ST8SIA2: variants seen among roughly 807,000 people sequenced by gnomAD.
The protein encoded by ST8SIA2 is ST8 alpha-N-acetyl-neuraminide alpha-2,8-sialyltransferase 2, also known as alpha-2,8-sialyltransferase 8B.
ST8SIA2 carries 22 observed loss-of-function variants against 37.6 expected under a neutral mutation model. That is an observed-to-expected ratio of 0.58 (90% CI 0.42 to 0.83). ST8SIA2 has a LOEUF of 0.83. Among genes scored for constraint, ST8SIA2 ranks in the 40% least tolerant of loss-of-function variants. ST8SIA2 has a pLI of 0.00. For synonymous variants in ST8SIA2, 205 were observed against 201.2 expected, an observed-to-expected ratio of 1.02 and a Z score of -0.16; for missense variants, 382 against 484.7, an observed-to-expected ratio of 0.79 and a Z score of 1.99.
At chr15:92,458,955 G>A (rs754927284) in intron 5 of ST8SIA2, among the ~76,000 whole-genome samples, 11 of 152,194 alleles carry the variant, frequency 7.2e-5, no homozygotes, top group Non-Finnish European at 1.6e-4. Flanking sequence ...AGGAAGACAG[G>A]ATGCACGTGC....
At chr15:92,408,967 A>G (rs1330450333) in intron 1 of ST8SIA2, among the ~76,000 whole-genome samples, 2 of 152,098 alleles carry the variant, frequency 1.3e-5, no homozygotes, top group Admixed American at 6.6e-5. Flanking sequence ...GCCTCCCAAA[A>G]TGCTGGGATT....
intron 1 of ST8SIA2, among the ~76,000 whole-genome samples, chr15:92,426,964 G>A (rs936415796): frequency 6.6e-6 from 1 of 152,076 alleles, no homozygotes; most frequent in Non-Finnish European, 1.5e-5. Flanking sequence ...CGTGATGGCA[G>A]GCGCCTGTAA....
rs924306542 is a variant in ST8SIA2, at chr15:92,468,055, A to G, written c.*3670A>G. 5 of 152,176 alleles carry G rather than the reference A, an allele frequency of 3.3e-5. No homozygotes were observed. The highest frequency in any genetic ancestry group is 2.6e-4 in the Admixed American group (4 of 15,278). 9.4% of individuals were successfully genotyped at this position (152,176 alleles called of 1,614,324 possible). A position where few individuals can be genotyped will look rare whatever the true frequency, so the allele number is the denominator to read the frequency against. On this transcript the variant is annotated 3_prime_UTR_variant, in exon 6 of 6. Transcript: ENST00000268164. ...TGAGATGCTGACGTTATCTTCGACTATTCTTCCCTGTCCTGCCTTGCTAAT... is the reference window on the plus strand; with the variant it reads ...TGAGATGCTGACGTTATCTTCGACTGTTCTTCCCTGTCCTGCCTTGCTAAT...
chr15:92,435,324 A>G (rs1445153661), intron 3 of ST8SIA2, among the ~76,000 whole-genome samples: 1 of 152,216 alleles, frequency 6.6e-6, no homozygotes, highest in African/African-American at 2.4e-5. Context: ...GGCCAGGAGC[A>G]GTGGGTTTTG....
At chr15:92,447,953 T>C (rs1313298785) in intron 5 of ST8SIA2, among the ~76,000 whole-genome samples, 6 of 152,158 alleles carry the variant, frequency 3.9e-5, no homozygotes, top group African/African-American at 1.4e-4. Flanking sequence ...CTTGAGATGG[T>C]TCTGGAGTCC....
rs148238786 is a variant in ST8SIA2 at position 92,407,936 on chromosome 15, T to C, written c.98+13774T>C. Among the ~76,000 whole-genome samples, 15 of 152,254 alleles carry C rather than the reference T, an allele frequency of 9.9e-5. No individual in the cohort carries two copies. The East Asian group carries it at 2.7e-3, about 27-fold the overall frequency. On this transcript the variant is annotated intron_variant, in intron 1 of 5. Coordinates refer to ENST00000268164, the MANE Select transcript of ST8SIA2 (RefSeq NM_006011.4). ...AATAAAGTCTAGTTAGCAAAACGCATGAAGGTAGACCCGGAAAATGTTTGA... is the reference window on the plus strand; with the variant it reads ...AATAAAGTCTAGTTAGCAAAACGCACGAAGGTAGACCCGGAAAATGTTTGA...
Position 92,467,753 on chromosome 15 carries a change from G to A in ST8SIA2, c.*3368G>A, listed in dbSNP as rs1392285159. On this transcript the variant is annotated 3_prime_UTR_variant, in exon 6 of 6. Transcript: ENST00000268164. ...ATGCCTTACACTGGCGTCCTCTCCT[G>A]AGTCCCTCCGCACTCTCCATCAGCA... is the stretch of plus-strand genomic sequence containing the variant. 2 of 152,476 alleles carry A rather than the reference G, an allele frequency of 1.3e-5. No individual in the cohort carries two copies. The highest frequency in any genetic ancestry group is 2.9e-5 in the Non-Finnish European group (2 of 68,172). The allele number at this position is 152,476 out of a possible 1,614,324, so 9.4% of individuals were successfully genotyped here.
intron 1 of ST8SIA2, among the ~76,000 whole-genome samples, chr15:92,429,105 T>C (rs2049696589): frequency 6.6e-6 from 1 of 152,212 alleles, no homozygotes; most frequent in African/African-American, 2.4e-5. Flanking sequence ...CCAGTGATTT[T>C]CATTATTTAT....
At chr15:92,449,354 G>A (rs115425284) in intron 5 of ST8SIA2, among the ~76,000 whole-genome samples, 2,279 of 152,264 alleles carry the variant, frequency 0.015, 47 homozygotes, top group African/African-American at 0.051. Context: ...TACACCATGC[G>A]TCCATGATGT....
At chr15:92,445,179 A>T (rs763480591) in intron 5 of ST8SIA2, 1 of 587,008 alleles carries the variant, frequency 1.7e-6, no homozygotes, top group Non-Finnish European at 3.0e-6. Flanking sequence ...GTTGAGAATG[A>T]TCTTGGGGGT....
chr15:92,450,336 T>C (rs1020423771), intron 5 of ST8SIA2, among the ~76,000 whole-genome samples: 1 of 152,182 alleles, frequency 6.6e-6, no homozygotes, highest in Admixed American at 6.5e-5. Flanking sequence ...GGCCAATAAG[T>C]ACGTGGCAAG....
At chr15:92,398,376 A>G (rs1284665120) in intron 1 of ST8SIA2, among the ~76,000 whole-genome samples, 3 of 152,242 alleles carry the variant, frequency 2.0e-5, no homozygotes, top group Non-Finnish European at 4.4e-5. Context: ...CTCTACCCAT[A>G]AAGGAATTAC....
chr15:92,414,592 G>A (rs1425735866), intron 1 of ST8SIA2, among the ~76,000 whole-genome samples: 1 of 152,258 alleles, frequency 6.6e-6, no homozygotes. Context: ...CGAACTCATA[G>A]GGTTGGGACA....
At chr15:92,440,227 C>A (rs570334662) in intron 4 of ST8SIA2, among the ~76,000 whole-genome samples, 3 of 152,312 alleles carry the variant, frequency 2.0e-5, no homozygotes, top group African/African-American at 7.2e-5. Context: ...ATCTGTAAAA[C>A]GGGCTGGGTG....
chr15:92,462,482 A>G (rs778948208), intron 5 of ST8SIA2, among the ~76,000 whole-genome samples: 19 of 152,212 alleles, frequency 1.2e-4, no homozygotes, highest in Non-Finnish European at 2.5e-4. Flanking sequence ...GCTTCTAGAA[A>G]ACCTGTCCCT....
intron 2 of ST8SIA2, among the ~76,000 whole-genome samples, chr15:92,432,681 G>T (rs8037621): frequency 6.6e-6 from 1 of 152,100 alleles, no homozygotes; most frequent in Non-Finnish European, 1.5e-5. Context: ...CTCAAAACTC[G>T]TCAATTCTCT....
chr15:92,402,169 G>A (rs1041187714), intron 1 of ST8SIA2, among the ~76,000 whole-genome samples: 13 of 152,126 alleles, frequency 8.5e-5, no homozygotes, highest in Non-Finnish European at 1.5e-4. Flanking sequence ...ATTGTCTGGG[G>A]TCTGGATCCA....
chr15:92,430,656 G>C (rs114131726), intron 2 of ST8SIA2, among the ~76,000 whole-genome samples: 3,222 of 152,288 alleles, frequency 0.021, 113 homozygotes, highest in African/African-American at 0.072. Context: ...GGGACAGCTT[G>C]ATGCAGGACA....
chr15:92,416,430 A>G (rs1244551950), intron 1 of ST8SIA2, among the ~76,000 whole-genome samples: 1 of 152,076 alleles, frequency 6.6e-6, no homozygotes, highest in Non-Finnish European at 1.5e-5. Context: ...CAGATCAGAC[A>G]CCGAGGGACA....
Sources: allele counts gnomAD v4.1 joint callset (sites outside exome capture counted in the v4.1 genomes callset), GRCh38; gene constraint gnomAD v4.1.1; transcripts MANE v1.5; gene names NCBI Gene and HGNC (gene_info 2026-07-23, HGNC 2026-07-21).